Variants in HUWE1 observed in about 807,000 individuals in gnomAD.
HUWE1 encodes HECT, UBA and WWE domain containing E3 ubiquitin protein ligase 1.
A neutral mutation model predicts 299.4 loss-of-function variants in HUWE1; 18 were observed. The ratio of observed to expected loss-of-function variants is 0.06; its 90% CI spans 0.04 to 0.09. The LOEUF is 0.09. Among genes scored for constraint, HUWE1 ranks in the 10% least tolerant of loss-of-function variants. The probability of loss-of-function intolerance (pLI) is 1.00; values close to 1 mark genes in which losing one functional copy is unlikely to be tolerated. For missense variants in HUWE1, 1,832 were observed against 3,462.3 expected, an observed-to-expected ratio of 0.53 and a Z score of 11.82; for synonymous variants, 1,317 against 1,286.1, an observed-to-expected ratio of 1.02 and a Z score of -0.51.
chrX:53,543,796 G>A, intron 73 of HUWE1, 45 bp downstream of exon 73: 1 of 1,209,787 alleles, frequency 8.3e-7, no homozygotes, highest in Non-Finnish European at 1.1e-6. Flanking sequence ...GTGGGGGGAT[G>A]AGTGGAGAGA....
rs1556906933 is a variant in HUWE1 at position 53,532,324 on chromosome X, C to A, written c.*985G>T. 9.0e-6 allele frequency: 1 copy of A among 110,951 alleles called. No individual in the cohort carries two copies. The highest frequency in any genetic ancestry group is 1.9e-5 in the Non-Finnish European group (1 of 53,032). 9.1% of individuals were successfully genotyped at this position (110,951 alleles called of 1,213,427 possible). On this transcript the variant is annotated 3_prime_UTR_variant, in exon 84 of 84. Transcript: ENST00000262854. ...TCTGGCGACCTAGTTAAATTACTCG[C>A]TTATTAAAATTTATTAGAAATAAAC... is the stretch of plus-strand genomic sequence containing the variant.
At chrX:53,684,853 A>G (rs1364758182) in intron 2 of HUWE1, among the ~76,000 whole-genome samples, 1 of 112,353 alleles carries the variant, frequency 8.9e-6, no homozygotes, top group African/African-American at 3.2e-5. Context: ...ACTAAAGGCC[A>G]TATCATTAGT....
intron 42 of HUWE1, among the ~76,000 whole-genome samples, chrX:53,582,543 G>C (rs1258485878): frequency 2.7e-5 from 3 of 112,439 alleles, no homozygotes; most frequent in Non-Finnish European, 5.6e-5. Flanking sequence ...TCTAAGTAAC[G>C]ATCTTAAACA....
intron 4 of HUWE1, among the ~76,000 whole-genome samples, chrX:53,649,711 T>G (rs1557038805): frequency 1.8e-5 from 2 of 112,411 alleles, no homozygotes; most frequent in Non-Finnish European, 3.8e-5. Context: ...CACCTGCTTA[T>G]GCAGTTCACT....
rs973172584 is a variant in HUWE1 at position 53,645,300 on chromosome X, C to A, written c.504+11G>T. On this transcript the variant is annotated intron_variant, in intron 7 of 83. Transcript: ENST00000262854. ...TTTTTGCACCCCTCCAACTCTTCAC[C>A]CAAGACTCACCTCTGCCAAATGTTG... The A allele has an allele frequency of 1.7e-6, 2 of 1,208,505 alleles. No homozygotes were observed. Among genetic ancestry groups the A allele is most frequent in the African/African-American group, 3.5e-5 (2 of 56,821 alleles).
At position 53,547,964 on chromosome X, in the gene HUWE1, A is replaced by G; in HGVS notation, c.10345T>C (p.Leu3449=). 4 of 1,211,257 alleles carry G rather than the reference A, an allele frequency of 3.3e-6. No individual in the cohort carries two copies. The highest frequency in any genetic ancestry group is 4.5e-6 in the Non-Finnish European group (4 of 895,118). Residue 3449 remains leucine (L), a synonymous_variant, in exon 68 of 84, where the codon TTA becomes CTA. Coordinates refer to ENST00000262854, the MANE Select transcript of HUWE1 (RefSeq NM_031407.7). ...AGGAGTCTGAGGAGTTTCTCAGTTA[A>G]GAGAGAGCTCCGGCGGATGACTGGG... ...SHPVIRRSSL[L]TEKLLRLLSL...
chrX:53,574,968 C>T (rs1602745219), intron 46 of HUWE1, among the ~76,000 whole-genome samples, 187 bp downstream of exon 46: 1 of 112,427 alleles, frequency 8.9e-6, no homozygotes, highest in South Asian at 3.7e-4. Context: ...ACTTACAGTT[C>T]CATTAACTTT....
chrX:53,631,739 T>C (rs2066890784), intron 9 of HUWE1, 125 bp from the exon 10 acceptor site: 1 of 514,636 alleles, frequency 1.9e-6, no homozygotes. Context: ...CCTAAGTGAA[T>C]GCTCTTAAAA....
At chrX:53,641,627 T>G (rs2067598643) in intron 7 of HUWE1, among the ~76,000 whole-genome samples, 1 of 111,956 alleles carries the variant, frequency 8.9e-6, no homozygotes, top group Non-Finnish European at 1.9e-5. Context: ...TTGTAGTTTA[T>G]GTCAGAAAAC....
intron 23 of HUWE1, among the ~76,000 whole-genome samples, chrX:53,610,814 A>G (rs193190555): frequency 4.5e-5 from 5 of 111,746 alleles, no homozygotes; most frequent in Admixed American, 3.8e-4. Context: ...TAAAGATGAC[A>G]AAGACTTTAT....
At chrX:53,649,682 A>G (rs183658194) in intron 4 of HUWE1, among the ~76,000 whole-genome samples, 16 of 112,311 alleles carry the variant, frequency 1.4e-4, no homozygotes, top group Admixed American at 4.7e-4. Context: ...GCAGAAATAG[A>G]TAACATGGAA....
intron 19 of HUWE1, among the ~76,000 whole-genome samples, chrX:53,624,100 C>T (rs1320208698): frequency 8.9e-6 from 1 of 112,124 alleles, no homozygotes; most frequent in Non-Finnish European, 1.9e-5. Context: ...GATATCTACC[C>T]GGCCTCTCTG....
chrX:53,586,410 A>G (rs1232008048), intron 39 of HUWE1, 80 bp downstream of exon 39: 5 of 603,700 alleles, frequency 8.3e-6, no homozygotes, highest in Non-Finnish European at 1.4e-5. Flanking sequence ...ATTCTTCACT[A>G]CTCTCTCATA....
chrX:53,578,707 G>A (rs1194354871), intron 43 of HUWE1, among the ~76,000 whole-genome samples: 2 of 74,925 alleles, frequency 2.7e-5, no homozygotes, highest in East Asian at 4.8e-4. Context: ...CTGGCCAGCC[G>A]CCCCGTCCGG....
chrX:53,603,421 G>A lies in HUWE1; in HGVS notation c.2823C>T (p.Tyr941=). ...CAGTGCTTTCCCACACCAGGGAACA[G>A]TATAACTGGCTCAGCTTGCTCAAAA... The part of the protein sequence containing the change: ...LSVLSKLSQL[Y]CSLVWESTVL... Residue 941 remains tyrosine (Y), a synonymous_variant, in exon 27 of 84, where the codon TAC becomes TAT. Coordinates refer to ENST00000262854, the MANE Select transcript of HUWE1 (RefSeq NM_031407.7). 3.3e-6 allele frequency: 4 copies of A among 1,208,105 alleles called. No homozygotes were observed. Among genetic ancestry groups the A allele is most frequent in the Non-Finnish European group, 4.5e-6 (4 of 892,225 alleles).
chrX:53,669,164 G>C (rs185324611), intron 3 of HUWE1, among the ~76,000 whole-genome samples: 9 of 112,132 alleles, frequency 8.0e-5, no homozygotes, highest in African/African-American at 2.3e-4. Flanking sequence ...ATGTTGAAAA[G>C]AATTCCAACT....
At chrX:53,683,845 T>TGGGGGGGGGGGGGGGGGGGGGGGG in intron 2 of HUWE1, 1 of 191,738 alleles carries the variant, frequency 5.2e-6, no homozygotes, top group Non-Finnish European at 9.6e-6. Context: ...CCCTAGTCAC[T>TGGGGGGGGGGGGGGGGGGGGGGGG]GCCCCCCCAC....
At chrX:53,549,567 A>G (rs1556926820) in intron 66 of HUWE1, 62 bp from the exon 67 acceptor site, 1 of 981,956 alleles carries the variant, frequency 1.0e-6, no homozygotes, top group Admixed American at 2.4e-5. Context: ...GATTAGGCAT[A>G]AGAATGGGGG....
chrX:53,617,287 A>G (rs1327275046), intron 20 of HUWE1, 53 bp downstream of exon 20: 1 of 996,188 alleles, frequency 1.0e-6, no homozygotes, highest in Non-Finnish European at 1.4e-6. Context: ...CACAGAAGAG[A>G]TAGGATTTTC....
Sources: gnomAD v4.1 joint callset for allele counts (sites outside exome capture counted in the v4.1 genomes callset) on GRCh38, gnomAD v4.1.1 for gene constraint, MANE v1.5 for transcripts, NCBI Gene and HGNC (gene_info 2026-07-23, HGNC 2026-07-21) for gene names.